The following WWTR1 variants were observed in gnomAD, a reference collection of about 807,000 sequenced individuals.
The protein encoded by WWTR1 is WW domain containing transcription regulator 1.
In WWTR1, 13 loss-of-function variants were observed where a neutral mutation model predicts 40.1. The observed-to-expected ratio is 0.32, with a 90% CI of 0.21 to 0.52. The LOEUF is 0.52. WWTR1 is among the 20% of genes least tolerant of loss of function. WWTR1 has a pLI of 0.97. For missense variants in WWTR1, 436 were observed against 523.1 expected, an observed-to-expected ratio of 0.83 and a Z score of 1.63; for synonymous variants, 230 against 210.1, an observed-to-expected ratio of 1.09 and a Z score of -0.82.
In WWTR1 at chr3:149,675,160, C is replaced by T. The variant is rs148758787; in HGVS notation, c.-107-5269G>A. On this transcript the variant is annotated intron_variant, in intron 1 of 7. Transcript: ENST00000465804. ...CAGTTTTATTTGGGTATCTACACAT[C>T]AGGGAAGATGACACTATCCCTGGCT... 6.2e-4 allele frequency among the ~76,000 whole-genome samples: 94 copies of T among 152,326 alleles called. No homozygotes were observed. The East Asian group carries it at 0.015, about 24-fold the overall frequency.
At chr3:149,686,635 C>A (rs2108209047) in intron 1 of WWTR1, among the ~76,000 whole-genome samples, 1 of 152,302 alleles carries the variant, frequency 6.6e-6, no homozygotes, top group African/African-American at 2.4e-5. Context: ...TACACACACA[C>A]ACCTAAACCA....
chr3:149,610,000 T>C (rs1739657430), intron 2 of WWTR1, among the ~76,000 whole-genome samples: 1 of 152,180 alleles, frequency 6.6e-6, no homozygotes, highest in African/African-American at 2.4e-5. Flanking sequence ...ACAACATTAA[T>C]TCACTTTTAC....
At chr3:149,620,075 G>A (rs892255663) in intron 2 of WWTR1, among the ~76,000 whole-genome samples, 14 of 152,074 alleles carry the variant, frequency 9.2e-5, no homozygotes, top group Admixed American at 4.6e-4. Context: ...ATAGAAAAAC[G>A]CTTTCTTAAA....
At chr3:149,598,099 C>G (rs1739084568) in intron 2 of WWTR1, among the ~76,000 whole-genome samples, 1 of 152,120 alleles carries the variant, frequency 6.6e-6, no homozygotes, top group South Asian at 2.1e-4. Flanking sequence ...GGGCCTAACA[C>G]AGGTGTTGGT....
intron 3 of WWTR1, among the ~76,000 whole-genome samples, chr3:149,556,941 C>T (rs1289316312): frequency 6.6e-6 from 1 of 151,942 alleles, no homozygotes; most frequent in Non-Finnish European, 1.5e-5. Context: ...ATGTAGTATA[C>T]ACTCATTTTG....
At chr3:149,542,715 G>A (rs941056527) in intron 3 of WWTR1, among the ~76,000 whole-genome samples, 178 bp from the exon 4 acceptor site, 1 of 152,108 alleles carries the variant, frequency 6.6e-6, no homozygotes, top group African/African-American at 2.4e-5. Context: ...ACGGAGGCTC[G>A]AATACTGGCC....
At chr3:149,704,901 T>C (rs6440634), upstream of WWTR1, among the ~76,000 whole-genome samples, 127,999 of 150,834 alleles carry the variant, frequency 0.85, 54,514 homozygotes, top group Middle Eastern at 0.92. Flanking sequence ...AAAACAAAAA[T>C]TAGAGAGGAA....
Position 149,525,200 on chromosome 3 carries a change from T to A in WWTR1, c.1018+813A>T, listed in dbSNP as rs149703849. ...CATGTTGGAACTTGGAAGTGACAAT[T>A]TTGAATCCTCTGAGTTGCTCAGCAT... is the stretch of plus-strand genomic sequence containing the variant. On this transcript the variant is annotated intron_variant, in intron 6 of 6. Coordinates refer to ENST00000360632, the MANE Select transcript of WWTR1 (RefSeq NM_015472.6). Among the ~76,000 whole-genome samples, 10 of 152,324 alleles carry A rather than the reference T, an allele frequency of 6.6e-5. 1 individual carries two copies. The East Asian group carries it at 1.9e-3, about 29-fold the overall frequency.
upstream of WWTR1, among the ~76,000 whole-genome samples, chr3:149,707,909 T>TTGGTATGGCCAACAGTA (rs1715371382): frequency 1.3e-5 from 2 of 152,194 alleles, no homozygotes; most frequent in Admixed American, 1.3e-4. Context: ...GTCATACCAA[T>TTGGTATGGCCAACAGTA]TGGTATGGCC....
At chr3:149,612,300 T>G (rs1739768031) in intron 2 of WWTR1, among the ~76,000 whole-genome samples, 1 of 151,330 alleles carries the variant, frequency 6.6e-6, no homozygotes, top group Admixed American at 6.6e-5. Flanking sequence ...ATCTGGTCAA[T>G]TCACATAATT....
chr3:149,710,248 A>C (rs1225735142), intron 5 of WWTR1, among the ~76,000 whole-genome samples: 7 of 152,102 alleles, frequency 4.6e-5, no homozygotes, highest in Non-Finnish European at 8.8e-5. Flanking sequence ...CTATATAAGC[A>C]TTGTATCGTT....
intron 1 of WWTR1, among the ~76,000 whole-genome samples, chr3:149,699,182 T>C (rs887530467): frequency 6.6e-6 from 1 of 152,256 alleles, no homozygotes; most frequent in Admixed American, 6.5e-5. Context: ...CAACTTTAAG[T>C]CATTTCTTTG....
At chr3:149,584,146 G>C (rs1738295037) in intron 2 of WWTR1, among the ~76,000 whole-genome samples, 1 of 152,188 alleles carries the variant, frequency 6.6e-6, no homozygotes, top group South Asian at 2.1e-4. Flanking sequence ...GTGCTTGGCT[G>C]CTCCGAAGCC....
chr3:149,714,311 C>T (rs561551057), intron 5 of WWTR1, among the ~76,000 whole-genome samples: 3,082 of 152,282 alleles, frequency 0.02, 39 homozygotes, highest in East Asian at 0.061. Flanking sequence ...CTGCAGACGC[C>T]GAGCTGCGAC....
intron 1 of WWTR1, among the ~76,000 whole-genome samples, chr3:149,676,516 G>A (rs1277595193): frequency 2.6e-5 from 4 of 152,090 alleles, no homozygotes; most frequent in Admixed American, 2.0e-4. Flanking sequence ...GTCTGATGAT[G>A]GTAAGCACAG....
Position 149,625,115 on chromosome 3 carries a change from T to G in WWTR1, c.431+31761A>C, listed in dbSNP as rs1187274055. On this transcript the variant is annotated intron_variant, in intron 2 of 6. Transcript: ENST00000360632. Reference sequence around the variant, plus strand: ...CAACTCTACCCTTTTTTTTTTTTTTTTTTTTGGTTTTTTTGGTTTTTTTTG... The same window carrying G: ...CAACTCTACCCTTTTTTTTTTTTTTGTTTTTGGTTTTTTTGGTTTTTTTTG... 1.3e-3 allele frequency among the ~76,000 whole-genome samples: 188 copies of G among 147,064 alleles called. 1 individual carries two copies. Among genetic ancestry groups the G allele is most frequent in the African/African-American group, 4.5e-3 (178 of 39,776 alleles).
chr3:149,693,365 T>C (rs1278715722), intron 1 of WWTR1, among the ~76,000 whole-genome samples: 1 of 152,208 alleles, frequency 6.6e-6, no homozygotes, highest in East Asian at 1.9e-4. Context: ...TCCATGTTCA[T>C]GGATTGGAAG....
intron 3 of WWTR1, among the ~76,000 whole-genome samples, chr3:149,553,532 A>G (rs1271412831): frequency 6.6e-6 from 1 of 152,192 alleles, no homozygotes; most frequent in African/African-American, 2.4e-5. Flanking sequence ...AAAGACAAAA[A>G]TCAAATAAAC....
At chr3:149,695,997 C>T (rs1412147801) in intron 1 of WWTR1, among the ~76,000 whole-genome samples, 2 of 147,682 alleles carry the variant, frequency 1.4e-5, no homozygotes, top group Admixed American at 6.9e-5. Flanking sequence ...CCTGTAGTCC[C>T]AGCTACTCGG....
Sources: gnomAD v4.1 joint callset for allele counts (sites outside exome capture counted in the v4.1 genomes callset) on GRCh38, gnomAD v4.1.1 for gene constraint, MANE v1.5 for transcripts, NCBI Gene and HGNC (gene_info 2026-07-23, HGNC 2026-07-21) for gene names.